Variants in ZFYVE28 observed in about 807,000 individuals in gnomAD.
ZFYVE28 encodes the protein zinc finger FYVE-type containing 28.
Under a neutral mutation model 82.1 loss-of-function variants are expected in ZFYVE28, and 40 were observed. That is an observed-to-expected ratio of 0.49 (90% CI 0.38 to 0.63). The LOEUF is 0.63. Ranked by LOEUF, ZFYVE28 falls within the 30% of genes least tolerant of loss-of-function variation. The pLI is 0.00. For synonymous variants in ZFYVE28, 612 were observed against 546.1 expected (o/e 1.12, Z -1.68); for missense variants, 1,321 against 1,242.1 (o/e 1.06, Z -0.96).
At chr4:2,352,871 G>C (rs1724680277) in intron 2 of ZFYVE28, among the ~76,000 whole-genome samples, 1 of 152,192 alleles carries the variant, frequency 6.6e-6, no homozygotes, top group African/African-American at 2.4e-5. Flanking sequence ...AATAGCATCT[G>C]ATCCCCCTTC....
intron 8 of ZFYVE28, among the ~76,000 whole-genome samples, chr4:2,289,894 C>T (rs575227155): frequency 6.7e-6 from 1 of 148,160 alleles, no homozygotes; most frequent in Non-Finnish European, 1.5e-5. Flanking sequence ...TCCCCTGAGC[C>T]CCCGATCCTC....
At chr4:2,395,642 C>T (rs979063592) in intron 1 of ZFYVE28, among the ~76,000 whole-genome samples, 17 of 152,344 alleles carry the variant, frequency 1.1e-4, no homozygotes, top group African/African-American at 3.8e-4. Flanking sequence ...AACCTGGGAG[C>T]AGGAAACAGG....
chr4:2,351,003 T>C (rs1263636776), intron 2 of ZFYVE28, among the ~76,000 whole-genome samples: 8 of 152,198 alleles, frequency 5.3e-5, no homozygotes, highest in Admixed American at 2.6e-4. Flanking sequence ...CTGAGTTCTG[T>C]GAGCCACTCT....
chr4:2,280,147 T>G (rs957303053), intron 8 of ZFYVE28, among the ~76,000 whole-genome samples: 4 of 152,210 alleles, frequency 2.6e-5, no homozygotes, highest in Non-Finnish European at 5.9e-5. Context: ...ATCCCTATGG[T>G]GAAACAATCT....
At chr4:2,270,923 TC>T in intron 12 of ZFYVE28, 67 bp from the exon 13 acceptor site, 1 of 1,553,226 alleles carries the variant, frequency 6.4e-7, no homozygotes. Context: ...CTCCTCGCCC[TC>T]CCACACACCT....
chr4:2,368,065 G>T (rs1727074687), intron 1 of ZFYVE28, among the ~76,000 whole-genome samples: 1 of 151,954 alleles, frequency 6.6e-6, no homozygotes, highest in African/African-American at 2.4e-5. Context: ...ATTGAGATGG[G>T]ACTCACATGC....
In ZFYVE28 at chr4:2,279,852, TA is replaced by T. The variant is rs553578526; in HGVS notation, c.2052-5637del. On this transcript the variant is annotated intron_variant, in intron 8 of 12. Coordinates refer to ENST00000290974, the MANE Select transcript of ZFYVE28 (RefSeq NM_020972.3). Reference sequence around the variant, plus strand: ...AAATGTCTAGAACAGGCGAAACCCATAGGGGCAGAAAGCAGAACCGTGGTCG... The same window carrying T: ...AAATGTCTAGAACAGGCGAAACCCATGGGGCAGAAAGCAGAACCGTGGTCG... 5.3e-3 allele frequency among the ~76,000 whole-genome samples: 793 copies of T among 150,838 alleles called. 8 individuals carry two copies. Among genetic ancestry groups the T allele is most frequent in the African/African-American group, 0.018 (747 of 40,994 alleles).
At chr4:2,307,408 ATGATTAG>A (rs1199621747) in intron 7 of ZFYVE28, among the ~76,000 whole-genome samples, 1 of 152,020 alleles carries the variant, frequency 6.6e-6, no homozygotes, top group African/African-American at 2.4e-5. Flanking sequence ...TTTTTTCTTT[ATGATTAG>A]TGCTTTGTGT....
In ZFYVE28 at chr4:2,305,397, G is replaced by T; in HGVS notation, c.943C>A (p.Pro315Thr). 1 of 1,612,788 alleles carries T rather than the reference G, an allele frequency of 6.2e-7. No homozygotes were observed. Among genetic ancestry groups the T allele is most frequent in the South Asian group, 1.1e-5 (1 of 91,060 alleles). ...ALAPALSAPL[P>T]PEGPLSAKAK... Reference sequence around the variant, plus strand: ...TTAGCTGAGAGTGGCCCCTCAGGGGGGAGAGGGGCAGAGAGGGCAGGCGCC... The same window carrying T: ...TTAGCTGAGAGTGGCCCCTCAGGGGTGAGAGGGGCAGAGAGGGCAGGCGCC... The change falls in exon 8 of 13, where the codon CCC becomes ACC. Residue 315 changes from proline to threonine, a missense_variant. Physicochemically the swap from Pro to Thr is conservative, Grantham distance 38. Coordinates refer to ENST00000290974, the MANE Select transcript of ZFYVE28 (RefSeq NM_020972.3).
chr4:2,399,006 AGGGGCGAGATCTAGGGCACAAGGT>A (rs1730821844), intron 1 of ZFYVE28, among the ~76,000 whole-genome samples: 1 of 71,814 alleles, frequency 1.4e-5, no homozygotes, highest in African/African-American at 4.8e-5. Flanking sequence ...GGGCACAAGG[AGGGGCGAGATCTAGGGCACAAGGT>A]GGGGTGAGAT....
intron 2 of ZFYVE28, among the ~76,000 whole-genome samples, chr4:2,347,514 G>A (rs547596117): frequency 1.1e-3 from 162 of 152,150 alleles, no homozygotes; most frequent in Admixed American, 1.9e-3. Context: ...CCAAATTCTG[G>A]GCCATGAAAC....
In ZFYVE28 at chr4:2,341,009, A is replaced by G. The variant is rs576018438; in HGVS notation, c.318+469T>C. On this transcript the variant is annotated intron_variant, in intron 3 of 12. Coordinates refer to ENST00000290974, the MANE Select transcript of ZFYVE28 (RefSeq NM_020972.3). The surrounding 1 kb of genome is among the most constrained non-coding windows in gnomAD (Gnocchi z 4.5). Reference sequence around the variant, plus strand: ...GGGGAGACTGTTCCCGCCACCTTGAAGGGCACCTTCCTCTCGGTGCCTCAG... The same window carrying G: ...GGGGAGACTGTTCCCGCCACCTTGAGGGGCACCTTCCTCTCGGTGCCTCAG... 6.6e-6 allele frequency among the ~76,000 whole-genome samples: 1 copy of G among 151,236 alleles called. No homozygotes were observed. The highest frequency in any genetic ancestry group is 2.1e-4 in the South Asian group (1 of 4,764).
chr4:2,389,415 C>G (rs1729597328), intron 1 of ZFYVE28, among the ~76,000 whole-genome samples: 1 of 152,228 alleles, frequency 6.6e-6, no homozygotes, highest in African/African-American at 2.4e-5. Flanking sequence ...CAGCCCTTTC[C>G]TGGGCCTCAG....
intron 7 of ZFYVE28, among the ~76,000 whole-genome samples, chr4:2,317,137 C>G (rs895499157): frequency 2.0e-4 from 30 of 151,918 alleles, no homozygotes; most frequent in African/African-American, 7.3e-4. Context: ...TACAGGAATG[C>G]ACCACCATGT....
At chr4:2,359,562 A>G (rs557631345) in intron 1 of ZFYVE28, among the ~76,000 whole-genome samples, 3 of 152,338 alleles carry the variant, frequency 2.0e-5, no homozygotes, top group African/African-American at 7.2e-5. Context: ...TGTGGGGACA[A>G]TGGCCAAAGG....
Position 2,335,594 on chromosome 4 carries a change from G to T in ZFYVE28, c.701+111C>A. 1 of 996,774 alleles carries T rather than the reference G, an allele frequency of 1.0e-6. No homozygotes were observed. Among genetic ancestry groups the T allele is most frequent in the Non-Finnish European group, 1.5e-6 (1 of 665,040 alleles). The allele number at this position is 996,774 out of a possible 1,614,324, so 61.7% of individuals were successfully genotyped here. A position where few individuals can be genotyped will look rare whatever the true frequency, so the allele number is the denominator to read the frequency against. Reference sequence around the variant, plus strand: ...TGTCACTGATCGGGACAGCTGAGCGGCCACCGTGAGGTGGAGACGCCATGG... The same window carrying T: ...TGTCACTGATCGGGACAGCTGAGCGTCCACCGTGAGGTGGAGACGCCATGG... On this transcript the variant is annotated intron_variant, in intron 6 of 12. Coordinates refer to ENST00000290974, the MANE Select transcript of ZFYVE28 (RefSeq NM_020972.3). This position sits in a 1 kb window ranked among gnomAD's most constrained non-coding sequence, Gnocchi z 5.8.
chr4:2,299,615 G>A (rs1417628503), intron 8 of ZFYVE28, among the ~76,000 whole-genome samples: 1 of 128,814 alleles, frequency 7.8e-6, no homozygotes, highest in African/African-American at 3.0e-5. Flanking sequence ...GTTAAAAAGA[G>A]AAAAGAGAAG....
At chr4:2,350,200 C>T (rs577338520) in intron 2 of ZFYVE28, among the ~76,000 whole-genome samples, 80 of 152,308 alleles carry the variant, frequency 5.3e-4, no homozygotes, top group Middle Eastern at 3.4e-3. Flanking sequence ...CGCAGTGGCT[C>T]ACGCCTGTAA....
chr4:2,405,921 C>T (rs983615878), intron 1 of ZFYVE28, among the ~76,000 whole-genome samples: 5 of 151,440 alleles, frequency 3.3e-5, no homozygotes, highest in African/African-American at 4.9e-5. Flanking sequence ...TGGTGGCAGG[C>T]GCCTGTAATC....
Sources: allele counts gnomAD v4.1 joint callset (sites outside exome capture counted in the v4.1 genomes callset), GRCh38; gene constraint gnomAD v4.1.1; non-coding constraint Gnocchi (gnomAD v3.1); transcripts MANE v1.5; gene names NCBI Gene and HGNC (gene_info 2026-07-23, HGNC 2026-07-21).